GPC6: variants seen among roughly 807,000 people sequenced by gnomAD.
GPC6 encodes the protein glypican 6.
In GPC6, 14 loss-of-function variants were observed where a neutral mutation model predicts 55.2. That is an observed-to-expected ratio of 0.25 (90% CI 0.17 to 0.40). The LOEUF (loss-of-function observed/expected upper bound fraction) is 0.40. Among genes scored for constraint, GPC6 ranks in the 10% least tolerant of loss-of-function variants. The probability of loss-of-function intolerance (pLI) is 1.00; values close to 1 mark genes in which losing one functional copy is unlikely to be tolerated. For synonymous variants in GPC6, 278 were observed against 259.6 expected (o/e 1.07, Z -0.68); for missense variants, 641 against 708.5 (o/e 0.90, Z 1.08).
chr13:93,593,435 A>T (rs575025685), intron 2 of GPC6, among the ~76,000 whole-genome samples: 161 of 152,220 alleles, frequency 1.1e-3, no homozygotes, highest in African/African-American at 3.7e-3. Context: ...TTCCTGCAAA[A>T]CTAACAGTTC....
At chr13:93,623,461 T>TTTCTTTTC (rs1566454929) in intron 2 of GPC6, among the ~76,000 whole-genome samples, 13 of 141,794 alleles carry the variant, frequency 9.2e-5, no homozygotes, top group African/African-American at 1.8e-4. Context: ...TTTTCTTTTT[T>TTTCTTTTC]TTTTTTTTTT....
At chr13:93,921,543 A>G (rs1216633978) in intron 3 of GPC6, among the ~76,000 whole-genome samples, 2 of 151,906 alleles carry the variant, frequency 1.3e-5, no homozygotes, top group Admixed American at 6.6e-5. Flanking sequence ...CTTCCCCTGG[A>G]TTTCAGCCAT....
intron 3 of GPC6, among the ~76,000 whole-genome samples, chr13:93,928,524 G>C (rs1243375415): frequency 6.6e-6 from 1 of 151,958 alleles, no homozygotes; most frequent in Non-Finnish European, 1.5e-5. Context: ...AAGACAATGG[G>C]GTTTAAACAC....
At chr13:93,543,834 G>A (rs886475309) in intron 1 of GPC6, among the ~76,000 whole-genome samples, 1 of 152,110 alleles carries the variant, frequency 6.6e-6, no homozygotes, top group Non-Finnish European at 1.5e-5. Flanking sequence ...TCAGATAAAT[G>A]TCCAGGAGTG....
At chr13:94,042,331 G>T (rs532563215) in intron 4 of GPC6, among the ~76,000 whole-genome samples, 1 of 151,720 alleles carries the variant, frequency 6.6e-6, no homozygotes, top group Non-Finnish European at 1.5e-5. Context: ...ATGAATTATG[G>T]TATTTCTTTA....
At chr13:93,786,224 CAGG>C (rs1224816712) in intron 2 of GPC6, among the ~76,000 whole-genome samples, 2 of 152,054 alleles carry the variant, frequency 1.3e-5, no homozygotes, top group Admixed American at 6.6e-5. Context: ...ATGGAGACAG[CAGG>C]AGAAGTGTAA....
intron 1 of GPC6, among the ~76,000 whole-genome samples, chr13:93,297,819 A>C (rs1449798129): frequency 6.6e-6 from 1 of 152,056 alleles, no homozygotes; most frequent in African/African-American, 2.4e-5. Flanking sequence ...AGACGTTGTG[A>C]CTCACATGAG....
Position 94,258,846 on chromosome 13 carries a change from G to C in GPC6, c.878-27503G>C, listed in dbSNP as rs149292538. On this transcript the variant is annotated intron_variant, in intron 4 of 8. Transcript: ENST00000377047. ...AGACTCAGGCTCCTCTCATCTTTCT[G>C]TTCTGGTATCCTCAGGCTAGGTTAC... 4.5e-4 allele frequency among the ~76,000 whole-genome samples: 69 copies of C among 152,284 alleles called. 1 individual carries two copies. The highest frequency in any genetic ancestry group is 1.2e-3 in the African/African-American group (51 of 41,562).
At chr13:93,724,722 A>G (rs563575898) in intron 2 of GPC6, among the ~76,000 whole-genome samples, 2 of 151,930 alleles carry the variant, frequency 1.3e-5, no homozygotes, top group Admixed American at 6.6e-5. Flanking sequence ...ACATTTTGTT[A>G]TACTTTTGGA....
At chr13:94,037,079 C>G (rs916076149) in intron 4 of GPC6, among the ~76,000 whole-genome samples, 1 of 151,970 alleles carries the variant, frequency 6.6e-6, no homozygotes, top group Non-Finnish European at 1.5e-5. Flanking sequence ...GACGAGAGAA[C>G]TAAAATCATC....
At chr13:93,235,906 CTG>C (rs1876217382) in intron 1 of GPC6, among the ~76,000 whole-genome samples, 1 of 152,190 alleles carries the variant, frequency 6.6e-6, no homozygotes, top group Non-Finnish European at 1.5e-5. Context: ...CAGGTTCTCT[CTG>C]TCTTTTGGCT....
chr13:93,803,315 A>T (rs913459671), intron 2 of GPC6, among the ~76,000 whole-genome samples: 1 of 152,218 alleles, frequency 6.6e-6, no homozygotes, highest in Admixed American at 6.5e-5. Flanking sequence ...TTGAAAGAAG[A>T]TATAGAAATA....
At chr13:93,675,437 C>T (rs976805966) in intron 2 of GPC6, among the ~76,000 whole-genome samples, 2 of 152,000 alleles carry the variant, frequency 1.3e-5, no homozygotes, top group Non-Finnish European at 2.9e-5. Flanking sequence ...ATGGACTGGA[C>T]ACTGTTCTGT....
intron 2 of GPC6, among the ~76,000 whole-genome samples, chr13:93,800,527 C>A (rs576642729): frequency 4.5e-4 from 68 of 152,200 alleles, no homozygotes; most frequent in African/African-American, 1.5e-3. Flanking sequence ...GTCTTTAGAG[C>A]AGAGATTAGT....
the GPC6 span, among the ~76,000 whole-genome samples, chr13:93,217,047 A>G: frequency 2.1e-5 from 3 of 145,214 alleles, no homozygotes; most frequent in Admixed American, 6.7e-5. Context: ...GCAAAAATGG[A>G]AAAAAAAAAT....
chr13:93,850,456 T>C (rs1888353826), intron 3 of GPC6, among the ~76,000 whole-genome samples: 1 of 151,982 alleles, frequency 6.6e-6, no homozygotes. Flanking sequence ...CAGTCACAGA[T>C]TTTATATCAA....
chr13:93,927,795 G>A (rs1289692050), intron 3 of GPC6, among the ~76,000 whole-genome samples: 1 of 151,778 alleles, frequency 6.6e-6, no homozygotes, highest in Non-Finnish European at 1.5e-5. Context: ...CACAATTCCT[G>A]TTATAAAAGC....
intron 6 of GPC6, among the ~76,000 whole-genome samples, chr13:94,378,033 CT>C (rs1160315867): frequency 6.6e-6 from 1 of 152,038 alleles, no homozygotes; most frequent in African/African-American, 2.4e-5. Flanking sequence ...ACATCACACT[CT>C]GGGGACTGTT....
intron 4 of GPC6, among the ~76,000 whole-genome samples, chr13:94,189,741 G>C (rs1282844062): frequency 1.3e-5 from 2 of 152,172 alleles, no homozygotes; most frequent in Non-Finnish European, 2.9e-5. Flanking sequence ...TGTATGCAGA[G>C]CCAGGCGCGG....
Sources: allele counts gnomAD v4.1 joint callset (sites outside exome capture counted in the v4.1 genomes callset), GRCh38; gene constraint gnomAD v4.1.1; transcripts MANE v1.5; gene names NCBI Gene and HGNC (gene_info 2026-07-23, HGNC 2026-07-21).